The following C6orf120 variants were observed in gnomAD, a reference collection of about 807,000 sequenced individuals.
C6orf120 encodes chromosome 6 open reading frame 120, also known as UPF0669 protein C6orf120.
For missense variants in C6orf120, 311 were observed against 264.2 expected, an observed-to-expected ratio of 1.18 and a Z score of -1.23; for synonymous variants, 165 against 123.1, an observed-to-expected ratio of 1.34 and a Z score of -2.25.
exon 1 of C6orf120, chr6:169,702,614 G>C (rs758934394): frequency 6.2e-7 from 1 of 1,613,330 alleles, no homozygotes; most frequent in Admixed American, 1.7e-5. Context: ...ATAGGCGCCG[G>C]GAACTACAGC....
exon 1 of C6orf120, chr6:169,703,981 A>T (rs760546613): frequency 6.5e-7 from 1 of 1,530,256 alleles, no homozygotes; most frequent in Non-Finnish European, 8.9e-7. Context: ...ATGCATATAC[A>T]GTATTAGAGT....
chr6:169,703,132 G>A, exon 1 of C6orf120: 3 of 1,284,406 alleles, frequency 2.3e-6, no homozygotes, highest in Non-Finnish European at 3.2e-6. Flanking sequence ...GAAGTTCTAG[G>A]TACCTTTAGT....
chr6:169,704,026 C>T (rs1467366803), exon 1 of C6orf120: 9 of 1,600,662 alleles, frequency 5.6e-6, no homozygotes, highest in Non-Finnish European at 6.8e-6. Context: ...CTGTTTTTCC[C>T]CCTTCTGCCC....
chr6:169,702,149 G>A (rs993326308), upstream of C6orf120: 9 of 609,548 alleles, frequency 1.5e-5, no homozygotes, highest in African/African-American at 9.1e-5. Flanking sequence ...GCGAGGCTCC[G>A]GCCTCGGGTC....
At chr6:169,703,024 A>T (rs899245987) in exon 1 of C6orf120, 1 of 1,553,332 alleles carries the variant, frequency 6.4e-7, no homozygotes, top group African/African-American at 1.4e-5. Context: ...GGTACTTGAA[A>T]TTCTCTTTTG....
At chr6:169,705,024 A>C, downstream of C6orf120, 1 of 734,346 alleles carries the variant, frequency 1.4e-6, no homozygotes, top group Non-Finnish European at 2.2e-6. Context: ...ATATTTGCAC[A>C]TAAGAGTCCA....
chr6:169,702,352 C>T (rs1211428012), exon 1 of C6orf120: 1 of 689,992 alleles, frequency 1.4e-6, no homozygotes, highest in Non-Finnish European at 2.4e-6. Context: ...CGCCTGGACG[C>T]GCCGTGGACC....
chr6:169,706,274 T>C (rs185238646), downstream of C6orf120, among the ~76,000 whole-genome samples: 2 of 152,308 alleles, frequency 1.3e-5, no homozygotes, highest in South Asian at 2.1e-4. Flanking sequence ...CATGCATACA[T>C]TGGCGTGTAC....
chr6:169,703,428 T>TA (rs1788570417), exon 1 of C6orf120: 1 of 240,560 alleles, frequency 4.2e-6, no homozygotes, highest in East Asian at 1.1e-4. Flanking sequence ...TTTCAAGAGT[T>TA]ACTAAAATCA....
At chr6:169,705,103 GATA>G (rs781277014), downstream of C6orf120, 1 of 1,545,554 alleles carries the variant, frequency 6.5e-7, no homozygotes, top group Non-Finnish European at 8.8e-7. Flanking sequence ...ATCACCCAAA[GATA>G]ATGTTTGCTC....
At chr6:169,705,336 G>C, downstream of C6orf120, 1 of 1,551,692 alleles carries the variant, frequency 6.4e-7, no homozygotes, top group Non-Finnish European at 8.8e-7. Flanking sequence ...ATCAAAACCA[G>C]TATTAGTGGT....
exon 1 of C6orf120, chr6:169,703,118 G>C: frequency 7.1e-7 from 1 of 1,400,058 alleles, no homozygotes; most frequent in East Asian, 2.5e-5. Context: ...ACTTGTACTT[G>C]GTTGAAGTTC....
chr6:169,703,042 G>A (rs1383399472), exon 1 of C6orf120: 1 of 1,545,864 alleles, frequency 6.5e-7, no homozygotes. Context: ...TTGAGTCGTT[G>A]ACCACACTCT....
chr6:169,702,485 C>T, exon 1 of C6orf120: 1 of 1,572,662 alleles, frequency 6.4e-7, no homozygotes, highest in African/African-American at 1.4e-5. Flanking sequence ...GGGAGGGCCG[C>T]GCCCTGGACG....
At chr6:169,702,220 G>GCCCTGCCCCTGC (rs200117070) in exon 1 of C6orf120, 26 of 687,134 alleles carry the variant, frequency 3.8e-5, no homozygotes, top group South Asian at 1.1e-4. Flanking sequence ...TGCCACAGCG[G>GCCCTGCCCCTGC]CCCTGCCCCT....
chr6:169,705,355 TAAG>T (rs774641133), downstream of C6orf120: 22 of 1,444,576 alleles, frequency 1.5e-5, no homozygotes, highest in South Asian at 2.7e-4. Context: ...GTATCTCACA[TAAG>T]AAATTTTAAC....
exon 1 of C6orf120, chr6:169,704,307 A>C: frequency 2.0e-6 from 1 of 501,884 alleles, no homozygotes; most frequent in Non-Finnish European, 3.5e-6. Context: ...GGGGGATGGG[A>C]GAGATGCAAT....
At chr6:169,703,956 A>G (rs1190141299) in exon 1 of C6orf120, 1 of 1,392,514 alleles carries the variant, frequency 7.2e-7, no homozygotes, top group South Asian at 1.4e-5. Context: ...AAATGGCACC[A>G]AATATTCCAC....
At chr6:169,702,450 G>C (rs780887739) in exon 1 of C6orf120, 81 of 1,510,070 alleles carry the variant, frequency 5.4e-5, no homozygotes, top group Non-Finnish European at 7.1e-5. Context: ...CCGGAGCTGA[G>C]CCGCCAGCCA....
Sources: gnomAD v4.1 joint callset for allele counts (sites outside exome capture counted in the v4.1 genomes callset) on GRCh38, gnomAD v4.1.1 for gene constraint, MANE v1.5 for transcripts, NCBI Gene and HGNC (gene_info 2026-07-23, HGNC 2026-07-21) for gene names.